IWS1: variants seen among roughly 807,000 people sequenced by gnomAD.
IWS1 encodes the protein interacts with SUPT6H, CTD assembly factor 1.
In IWS1, 27 loss-of-function variants were observed where a neutral mutation model predicts 86.7. The ratio of observed to expected loss-of-function variants is 0.31; its 90% CI spans 0.23 to 0.43. IWS1 has a LOEUF of 0.43. IWS1 is among the 20% of genes least tolerant of loss of function. The pLI, the probability that IWS1 is intolerant of heterozygous loss-of-function variation, is 1.00. For synonymous variants in IWS1, 313 were observed against 335.1 expected (o/e 0.93, Z 0.72); for missense variants, 827 against 1,000.8 (o/e 0.83, Z 2.34).
chr2:127,514,521 A>G (rs1214769853), intron 2 of IWS1: 1 of 152,518 alleles, frequency 6.6e-6, no homozygotes, highest in Non-Finnish European at 1.5e-5. Context: ...ACAGGGTTGT[A>G]ATATGCCCCT....
At chr2:127,503,705 TA>T (rs869033410) in intron 3 of IWS1, 129 bp from the exon 4 acceptor site, 17 of 298,720 alleles carry the variant, frequency 5.7e-5, no homozygotes, top group South Asian at 3.1e-4. Context: ...AATAAATAAA[TA>T]AAATAAAATC....
chr2:127,498,207 T>C lies in IWS1; in HGVS notation c.1498A>G (p.Lys500Glu), dbSNP rs995856183. The C allele has an allele frequency of 1.9e-6, 3 of 1,596,150 alleles. No individual in the cohort carries two copies. The highest frequency in any genetic ancestry group is 1.1e-5 in the South Asian group (1 of 90,640). ...GCTTCTTTTACCTGTGTTTCACCTT[T>C]TTCTTCTTCCAGATCTTCTTGGTTA... ...GFNQEDLEEE[K>E]GETQVKEAED... Residue 500 changes from lysine (K) to glutamate (E), a missense_variant, in exon 6 of 14, where the codon AAA (lysine) becomes GAA (glutamate). Lys to Glu is a moderately conservative substitution (Grantham distance 56). Coordinates refer to ENST00000295321, the MANE Select transcript of IWS1 (RefSeq NM_017969.3).
intron 1 of IWS1, among the ~76,000 whole-genome samples, chr2:127,525,040 T>C (rs975689283): frequency 1.4e-5 from 2 of 147,382 alleles, no homozygotes; most frequent in Non-Finnish European, 3.0e-5. Flanking sequence ...GGACTACAGG[T>C]GTATGCCACC....
At chr2:127,504,223 CTCAAAGCTTCCCTGTATCTGAA>C (rs1690978910) in intron 3 of IWS1, among the ~76,000 whole-genome samples, 1 of 152,186 alleles carries the variant, frequency 6.6e-6, no homozygotes, top group South Asian at 2.1e-4. Flanking sequence ...ATAGAATCCT[CTCAAAGCTTCCCTGTATCTGAA>C]TATTCAACAA....
Position 127,499,235 on chromosome 2 carries a change from C to T in IWS1, c.1468-998G>A, listed in dbSNP as rs1040973879. 3.3e-5 allele frequency among the ~76,000 whole-genome samples: 5 copies of T among 151,846 alleles called. No homozygotes were observed. The highest frequency in any genetic ancestry group is 9.7e-5 in the African/African-American group (4 of 41,318). ...CCTTCTGAGTAGCTGGGACTACAGG[C>T]GCCTGCCACCATGCCCAGCTAATTT... On this transcript the variant is annotated intron_variant, in intron 5 of 13. Transcript: ENST00000295321. This position sits in a 1 kb window ranked among gnomAD's most constrained non-coding sequence, Gnocchi z 4.0.
chr2:127,519,112 A>G (rs1259829378), intron 2 of IWS1, among the ~76,000 whole-genome samples: 2 of 152,144 alleles, frequency 1.3e-5, no homozygotes, highest in East Asian at 3.8e-4. Context: ...GTGTTTTTCA[A>G]ATCTTGGAGA....
Position 127,489,063 on chromosome 2 carries a change from G to T in IWS1, c.2216+116C>A, listed in dbSNP as rs1236013723. ...CTTTGTAGATACTAAACGTTAAAAT[G>T]AAAGTCACCTCCCACAAATGAGAGC... On this transcript the variant is annotated intron_variant, in intron 12 of 13. Coordinates refer to ENST00000295321, the MANE Select transcript of IWS1 (RefSeq NM_017969.3). This position sits in a 1 kb window ranked among gnomAD's most constrained non-coding sequence, Gnocchi z 4.8. 8.5e-6 allele frequency: 6 copies of T among 706,068 alleles called. No individual in the cohort carries two copies. Among genetic ancestry groups the T allele is most frequent in the Non-Finnish European group, 1.5e-5 (6 of 409,824 alleles). 43.7% of individuals were successfully genotyped at this position (706,068 alleles called of 1,614,324 possible). A position where few individuals can be genotyped will look rare whatever the true frequency, so the allele number is the denominator to read the frequency against.
rs1228096002 is a variant in IWS1, at chr2:127,526,390, C to T, written c.-182G>A. The T allele has an allele frequency of 1.4e-5, 21 of 1,535,890 alleles. No homozygotes were observed. The highest frequency in any genetic ancestry group is 1.7e-5 in the Non-Finnish European group (19 of 1,146,034). On this transcript the variant is annotated 5_prime_UTR_variant, in exon 1 of 14. Coordinates refer to ENST00000295321, the MANE Select transcript of IWS1 (RefSeq NM_017969.3). ...AAAGGCGAATTCTTTGACCTGGAAG[C>T]CCCGGCGGAAAAGGCCGTACCCGGC...
At chr2:127,497,713 T>G (rs1690587200) in intron 6 of IWS1, among the ~76,000 whole-genome samples, 1 of 152,230 alleles carries the variant, frequency 6.6e-6, no homozygotes, top group Non-Finnish European at 1.5e-5. Context: ...ATGACATCTT[T>G]TAAGATATCA....
rs150481717 is a variant in IWS1, at chr2:127,489,001, C to A, written c.2216+178G>T. On this transcript the variant is annotated intron_variant, in intron 12 of 13. Transcript: ENST00000295321. This position sits in a 1 kb window ranked among gnomAD's most constrained non-coding sequence, Gnocchi z 4.8. ...ATCTTTATTGAATGAATTATTTTCT[C>A]AATTTTCCTTACATCCCCAGAGTAC... 9.5e-3 allele frequency among the ~76,000 whole-genome samples: 1,444 copies of A among 152,280 alleles called. 16 individuals are homozygous for A. The highest frequency in any genetic ancestry group is 0.033 in the African/African-American group (1,371 of 41,540).
chr2:127,510,987 A>C (rs1194602818), intron 2 of IWS1, among the ~76,000 whole-genome samples: 3 of 152,238 alleles, frequency 2.0e-5, no homozygotes, highest in African/African-American at 7.2e-5. Context: ...CATGTGGTCC[A>C]CATGATTCTG....
intron 13 of IWS1, 68 bp downstream of exon 13, chr2:127,486,485 A>G: frequency 9.0e-7 from 1 of 1,105,244 alleles, no homozygotes; most frequent in Admixed American, 1.7e-5. Context: ...GGTTATTAAC[A>G]CATGAAGTAA....
intron 2 of IWS1, among the ~76,000 whole-genome samples, chr2:127,513,521 T>C (rs1341409378): frequency 6.6e-6 from 1 of 152,164 alleles, no homozygotes; most frequent in Non-Finnish European, 1.5e-5. Context: ...TACCTAATTG[T>C]TATAATTTTT....
At position 127,498,378 on chromosome 2, in the gene IWS1, T is replaced by C. The variant is rs1353241586; in HGVS notation, c.1468-141A>G. ...AAAGGTACATAACAAAAGGTCCCTC[T>C]CCAGCCACTAGTGTTACTAGGTTTC... is the stretch of plus-strand genomic sequence containing the variant. On this transcript the variant is annotated intron_variant, in intron 5 of 13. Transcript: ENST00000295321. 3.9e-4 allele frequency: 285 copies of C among 721,948 alleles called. 1 individual carries two copies. The highest frequency in any genetic ancestry group is 2.2e-6 in the Non-Finnish European group (1 of 446,872). 44.7% of individuals were successfully genotyped at this position (721,948 alleles called of 1,614,324 possible).
In IWS1 at chr2:127,499,157, C is replaced by T. The variant is rs1690673077; in HGVS notation, c.1468-920G>A. On this transcript the variant is annotated intron_variant, in intron 5 of 13. Transcript: ENST00000295321. The surrounding 1 kb of genome is among the most constrained non-coding windows in gnomAD (Gnocchi z 4.0). Reference sequence around the variant, plus strand: ...CCAGGCCAGAGTGCAGTGGCGTGATCTCGGCTCACTGCAAGCTCCACCTCC... The same window carrying T: ...CCAGGCCAGAGTGCAGTGGCGTGATTTCGGCTCACTGCAAGCTCCACCTCC... Among the ~76,000 whole-genome samples, 1 of 148,290 alleles carries T rather than the reference C, an allele frequency of 6.7e-6. No individual in the cohort carries two copies. Among genetic ancestry groups the T allele is most frequent in the Non-Finnish European group, 1.5e-5 (1 of 67,638 alleles).
chr2:127,503,165 G>A (rs1483928493), intron 4 of IWS1, among the ~76,000 whole-genome samples: 1 of 152,172 alleles, frequency 6.6e-6, no homozygotes, highest in East Asian at 1.9e-4. Context: ...TGAACTTCAT[G>A]TAAATGGAAT....
chr2:127,505,271 G>A lies in IWS1; in HGVS notation c.632C>T (p.Ser211Phe), dbSNP rs1450052405. The A allele has an allele frequency of 1.2e-6, 2 of 1,613,844 alleles. No individual in the cohort carries two copies. Among genetic ancestry groups the A allele is most frequent in the Non-Finnish European group, 8.5e-7 (1 of 1,179,964 alleles). ...AGGTTTAGGAAGCTCCTCACTTTCA[G>A]AATCACTCATTCGAGGTTTGGGAGG... ...EEPPKPRMSD[S>F]ESEELPKPQV... Residue 211 changes from serine (S) to phenylalanine (F), a missense_variant, in exon 3 of 14, where the codon TCT (serine) becomes TTT (phenylalanine). By Grantham distance (155) the Ser-to-Phe change is radical (BLOSUM62 -2). Around this residue, in one of 2 missense-constraint regions of IWS1, gnomAD observed 548 missense variants for 560.2 expected, o/e 0.98. Coordinates refer to ENST00000295321, the MANE Select transcript of IWS1 (RefSeq NM_017969.3). This position sits in a 1 kb window ranked among gnomAD's most constrained non-coding sequence, Gnocchi z 5.0.
chr2:127,486,975 C>T (rs1222185648), intron 12 of IWS1, among the ~76,000 whole-genome samples: 2 of 152,148 alleles, frequency 1.3e-5, no homozygotes, highest in African/African-American at 2.4e-5. Context: ...TAGTCCCGCC[C>T]GCATGACTTG....
Position 127,488,536 on chromosome 2 carries a change from CCT to C in IWS1, c.2216+641_2216+642del, listed in dbSNP as rs553467433. ...TTTGCCTCTGCAATGTCTTCTCACCCCTCTGTTTCCCAACTACCACCTCTGTT... is the reference window on the plus strand; with the variant it reads ...TTTGCCTCTGCAATGTCTTCTCACCCCTGTTTCCCAACTACCACCTCTGTT... On this transcript the variant is annotated intron_variant, in intron 12 of 13. Transcript: ENST00000295321. 9.8e-5 allele frequency among the ~76,000 whole-genome samples: 15 copies of C among 152,318 alleles called. 1 individual carries two copies. In the South Asian group the frequency reaches 2.1e-3, roughly 21 times the overall value.
Sources: allele counts gnomAD v4.1 joint callset (sites outside exome capture counted in the v4.1 genomes callset), GRCh38; gene constraint gnomAD v4.1.1; regional missense constraint gnomAD v4.1.1; non-coding constraint Gnocchi (gnomAD v3.1); transcripts MANE v1.5; gene names NCBI Gene and HGNC (gene_info 2026-07-23, HGNC 2026-07-21).